CEP290: variants seen among roughly 807,000 people sequenced by gnomAD.
CEP290 encodes centrosomal protein of 290 kDa.
CEP290 carries 317 observed loss-of-function variants against 344.9 expected under a neutral mutation model. The observed-to-expected ratio is 0.92, with a 90% CI of 0.84 to 1.01. The LOEUF (loss-of-function observed/expected upper bound fraction) is 1.01, where lower values mean the gene tolerates loss of function less well. Among genes scored for constraint, CEP290 ranks in the 50% least tolerant of loss-of-function variants. The pLI is 0.00. For missense variants in CEP290, 2,754 were observed against 2,761.4 expected (o/e 1.00, Z 0.06); for synonymous variants, 932 against 895.8 (o/e 1.04, Z -0.72).
At chr12:88,135,832 G>A (rs2040326282) in intron 6 of CEP290, 1 of 152,112 alleles carries the variant, frequency 6.6e-6, no homozygotes, top group East Asian at 1.9e-4. Context: ...GAGTATAAGG[G>A]ACAGGACAGT....
rs374372192 is a variant in CEP290 at position 88,084,694 on chromosome 12, G to C, written c.4596C>G (p.His1532Gln). The C allele has an allele frequency of 5.0e-6, 8 of 1,613,588 alleles. No individual in the cohort carries two copies. In the African/African-American group the frequency reaches 9.3e-5, roughly 19 times the overall value. Residue 1532 changes from histidine to glutamine, a missense_variant, in exon 35 of 54, where the codon CAC becomes CAG. His to Gln is a conservative substitution (Grantham distance 24). Transcript: ENST00000552810. ...LGRKEMEPKSHHTLKIAHQTI... is the reference protein window; with the variant it reads ...LGRKEMEPKSQHTLKIAHQTI... ...TTTGATGAGCAATTTTCAATGTGTG[G>C]TGAGATTTTGGTTCCATCTCTTTTC...
At chr12:88,067,748 G>A (rs559379028) in intron 44 of CEP290, among the ~76,000 whole-genome samples, 12 of 152,200 alleles carry the variant, frequency 7.9e-5, no homozygotes, top group Admixed American at 2.0e-4. Context: ...ATTTGTTGAC[G>A]TAAATTGACT....
chr12:88,061,101 G>A (rs1592744917), intron 46 of CEP290, 107 bp from the exon 47 acceptor site: 2 of 733,674 alleles, frequency 2.7e-6, no homozygotes, highest in East Asian at 6.6e-5. Flanking sequence ...AATATTTGAA[G>A]TCAAAACTGT....
intron 45 of CEP290, 141 bp downstream of exon 45, chr12:88,063,840 G>A: frequency 1.5e-6 from 1 of 664,448 alleles, no homozygotes. Flanking sequence ...ATGCTAAAGA[G>A]CAAATGTATA....
intron 20 of CEP290, 140 bp downstream of exon 20, chr12:88,114,280 A>G (rs1302632116): frequency 6.3e-6 from 4 of 630,686 alleles, no homozygotes; most frequent in Non-Finnish European, 1.0e-5. Context: ...GCAGCTCAAG[A>G]AAAACTACAC....
chr12:88,084,894 T>C (rs1425344037), intron 34 of CEP290, 42 bp from the exon 35 acceptor site: 1 of 1,410,958 alleles, frequency 7.1e-7, no homozygotes, highest in Admixed American at 3.0e-5. Context: ...AGTATCTTTT[T>C]CCCTTTAAAA....
chr12:88,071,713 G>T, intron 42 of CEP290, 68 bp downstream of exon 42: 1 of 1,201,858 alleles, frequency 8.3e-7, no homozygotes, highest in Non-Finnish European at 1.2e-6. Context: ...CTATGATAAA[G>T]CTATATAATT....
chr12:88,133,248 GTTTGT>G (rs2040182168), intron 6 of CEP290, among the ~76,000 whole-genome samples: 1 of 151,612 alleles, frequency 6.6e-6, no homozygotes, highest in Non-Finnish European at 1.5e-5. Context: ...GTTAATTTTT[GTTTGT>G]TTTGTTTTGT....
At chr12:88,084,133 G>A (rs150947551) in intron 35 of CEP290, among the ~76,000 whole-genome samples, 179 bp from the exon 36 acceptor site, 1 of 152,202 alleles carries the variant, frequency 6.6e-6, no homozygotes, top group East Asian at 1.9e-4. Context: ...CAATGTTCAA[G>A]TTGACAAGCC....
intron 11 of CEP290, among the ~76,000 whole-genome samples, chr12:88,128,321 A>C (rs2039855488): frequency 6.6e-6 from 1 of 152,168 alleles, no homozygotes; most frequent in Admixed American, 6.5e-5. Context: ...CACAAGATTT[A>C]TGTGAACCAT....
chr12:88,120,039 T>A (rs1372357738), intron 15 of CEP290, 75 bp downstream of exon 15: 2 of 925,556 alleles, frequency 2.2e-6, no homozygotes, highest in Admixed American at 7.2e-5. Flanking sequence ...TAAATAATAA[T>A]AAACAAAATT....
chr12:88,112,143 G>C (rs1237877753), intron 20 of CEP290, among the ~76,000 whole-genome samples: 3 of 151,984 alleles, frequency 2.0e-5, no homozygotes, highest in South Asian at 4.1e-4. Flanking sequence ...AGATGACCAG[G>C]GTTCAAATTT....
chr12:88,122,724 T>C (rs547432370), intron 13 of CEP290, among the ~76,000 whole-genome samples: 1 of 152,272 alleles, frequency 6.6e-6, no homozygotes. Flanking sequence ...ATACTATTAG[T>C]CATCCTTTTA....
Position 88,089,040 on chromosome 12 carries a change from C to A in CEP290, c.4021G>T (p.Ala1341Ser). 6.7e-7 allele frequency: 1 copy of A among 1,488,136 alleles called. No homozygotes were observed. The highest frequency in any genetic ancestry group is 8.9e-7 in the Non-Finnish European group (1 of 1,120,274). 92.2% of individuals were successfully genotyped at this position (1,488,136 alleles called of 1,614,324 possible). A position where few individuals can be genotyped will look rare whatever the true frequency, so the allele number is the denominator to read the frequency against. Residue 1341 changes from alanine to serine, a missense_variant, in exon 31 of 54, where the codon GCC (alanine) becomes TCC (serine). Physicochemically the swap from Ala to Ser is moderately conservative, Grantham distance 99. Coordinates refer to ENST00000552810, the MANE Select transcript of CEP290 (RefSeq NM_025114.4). The part of the protein sequence containing the change: ...LISTLKDTKG[A>S]QKVINWHMKI... ...CAAGTTTAAATGTTTACCTTTTGGG[C>A]TCCTTTGGTATCCTTTAAAGTGCTT...
chr12:88,132,258 A>G (rs1308871262), intron 6 of CEP290, among the ~76,000 whole-genome samples: 1 of 151,962 alleles, frequency 6.6e-6, no homozygotes, highest in Non-Finnish European at 1.5e-5. Context: ...ATGACCTTTC[A>G]TTTTTCTGGT....
In CEP290 at chr12:88,141,193, A is replaced by G. The variant is rs773325354; in HGVS notation, c.102+13T>C. Reference sequence around the variant, plus strand: ...TTAATGTATATATCTATTATTATTGACCAATTAAGCACCTTGGATAAGGAA... The same window carrying G: ...TTAATGTATATATCTATTATTATTGGCCAATTAAGCACCTTGGATAAGGAA... On this transcript the variant is annotated intron_variant, in intron 2 of 53. Transcript: ENST00000552810. The G allele has an allele frequency of 3.2e-6, 5 of 1,570,002 alleles. No individual in the cohort carries two copies. The African/African-American group carries it at 6.8e-5, about 21-fold the overall frequency.
chr12:88,086,466 T>C lies in CEP290; in HGVS notation c.4227A>G (p.Gln1409=). 1 of 1,599,168 alleles carries C rather than the reference T, an allele frequency of 6.3e-7. No homozygotes were observed. The highest frequency in any genetic ancestry group is 8.5e-7 in the Non-Finnish European group (1 of 1,171,324). ...FHEERQMAWD[Q]REVDLERQLD... is the part of the protein sequence containing the mutation. ...GTTGGCGTTCCAGGTCAACTTCTCT[T>C]TGATCCCAGGCCATTTGTCTTTCTT... is the stretch of plus-strand genomic sequence containing the variant. Residue 1409 remains glutamine, a synonymous_variant, in exon 33 of 54, where the codon CAA becomes CAG. Transcript: ENST00000552810.
rs1337346812 is a variant in CEP290 at position 88,086,251 on chromosome 12, A to T, written c.4303-78T>A. On this transcript the variant is annotated intron_variant, in intron 33 of 53. Transcript: ENST00000552810. Reference sequence around the variant, plus strand: ...CTATTAATTTTTACAGCTGTATGATAAAACATAGATTAAACCCCTCTTATA... The same window carrying T: ...CTATTAATTTTTACAGCTGTATGATTAAACATAGATTAAACCCCTCTTATA... 1.9e-6 allele frequency: 3 copies of T among 1,542,552 alleles called. No individual in the cohort carries two copies. The African/African-American group carries it at 4.2e-5, about 21-fold the overall frequency.
chr12:88,076,001 A>G (rs967387512), intron 41 of CEP290, among the ~76,000 whole-genome samples: 4 of 152,196 alleles, frequency 2.6e-5, no homozygotes, highest in Non-Finnish European at 5.9e-5. Context: ...AGCATAGAAG[A>G]GTCCAGGCAA....
Sources: allele counts gnomAD v4.1 joint callset (sites outside exome capture counted in the v4.1 genomes callset), GRCh38; gene constraint gnomAD v4.1.1; transcripts MANE v1.5; gene names NCBI Gene and HGNC (gene_info 2026-07-23, HGNC 2026-07-21).